The following ARHGEF11 variants were observed in gnomAD, a reference collection of about 807,000 sequenced individuals.
ARHGEF11 encodes the protein Rho guanine nucleotide exchange factor 11.
Under a neutral mutation model 193.7 loss-of-function variants are expected in ARHGEF11, and 55 were observed. The observed-to-expected ratio is 0.28, with a 90% CI of 0.23 to 0.36. The LOEUF is 0.36. Among genes scored for constraint, ARHGEF11 ranks in the 10% least tolerant of loss-of-function variants. The probability of loss-of-function intolerance (pLI) is 1.00; values close to 1 mark genes in which losing one functional copy is unlikely to be tolerated. For missense variants in ARHGEF11, 1,723 were observed against 2,005.6 expected (o/e 0.86, Z 2.69); for synonymous variants, 693 against 768.0 (o/e 0.90, Z 1.62).
At chr1:157,019,712 T>C (rs1487156410) in intron 1 of ARHGEF11, among the ~76,000 whole-genome samples, 1 of 152,138 alleles carries the variant, frequency 6.6e-6, no homozygotes, top group African/African-American at 2.4e-5. Context: ...CACACCAATA[T>C]AGATCCACTG....
intron 36 of ARHGEF11, 108 bp downstream of exon 36, chr1:156,940,099 C>G: frequency 7.0e-7 from 1 of 1,424,582 alleles, no homozygotes; most frequent in Non-Finnish European, 9.4e-7. Context: ...TCTCCTCAAG[C>G]ACACCAGGAA....
intron 1 of ARHGEF11, among the ~76,000 whole-genome samples, chr1:156,998,212 A>G (rs1666787189): frequency 1.3e-5 from 2 of 152,208 alleles, no homozygotes; most frequent in Admixed American, 6.5e-5. Context: ...TTCACCCCTT[A>G]GTAGAACAAT....
intron 1 of ARHGEF11, among the ~76,000 whole-genome samples, chr1:157,005,697 C>G (rs1009011961): frequency 6.6e-6 from 1 of 152,170 alleles, no homozygotes; most frequent in South Asian, 2.1e-4. Context: ...TAGTCTCTTA[C>G]AACAAAATCA....
chr1:156,942,049 C>G (rs1489418694), intron 33 of ARHGEF11, 60 bp from the exon 34 acceptor site: 1 of 1,611,358 alleles, frequency 6.2e-7, no homozygotes, highest in African/African-American at 1.3e-5. Context: ...CACGCACCAC[C>G]CCGTACTGAG....
intron 13 of ARHGEF11, 21 bp downstream of exon 13, chr1:156,963,182 A>G (rs1661205549): frequency 6.3e-7 from 1 of 1,590,458 alleles, no homozygotes; most frequent in Non-Finnish European, 8.6e-7. Flanking sequence ...CACTCAATCA[A>G]GACAGATGAT....
chr1:157,025,839 A>C (rs1423094185), intron 1 of ARHGEF11, among the ~76,000 whole-genome samples: 2 of 152,220 alleles, frequency 1.3e-5, no homozygotes, highest in Non-Finnish European at 2.9e-5. Context: ...AAACTAAGTC[A>C]CTTGGAGGGA....
At chr1:156,972,660 C>T (rs1432106640) in intron 7 of ARHGEF11, among the ~76,000 whole-genome samples, 1 of 152,188 alleles carries the variant, frequency 6.6e-6, no homozygotes, top group Non-Finnish European at 1.5e-5. Flanking sequence ...TACAAATTCC[C>T]CATACTTAAT....
chr1:157,031,311 C>G (rs904941055), intron 1 of ARHGEF11, among the ~76,000 whole-genome samples: 10 of 152,088 alleles, frequency 6.6e-5, no homozygotes, highest in African/African-American at 2.4e-4. Context: ...TCTCAACCTG[C>G]CAGGCCTCAA....
In ARHGEF11 at chr1:157,008,406, G is replaced by GCACACACACA. The variant is rs60934928; in HGVS notation, c.33-22243_33-22234dup. On this transcript the variant is annotated intron_variant, in intron 1 of 40. Coordinates refer to ENST00000368194, the MANE Select transcript of ARHGEF11 (RefSeq NM_198236.3). ...GAGACATCAGGAAGCTTGCACGCACGCACACACACACACACACACACACAC... is the reference window on the plus strand; with the variant it reads ...GAGACATCAGGAAGCTTGCACGCACGCACACACACACACACACACACACACACACACACAC... Among the ~76,000 whole-genome samples the GCACACACACA allele has an allele frequency of 5.0e-4, 74 of 149,218 alleles. 1 individual carries two copies. Among genetic ancestry groups the GCACACACACA allele is most frequent in the East Asian group, 3.6e-3 (18 of 5,024 alleles).
chr1:157,030,825 C>T (rs1374623696), intron 1 of ARHGEF11, among the ~76,000 whole-genome samples: 3 of 152,248 alleles, frequency 2.0e-5, no homozygotes, highest in African/African-American at 7.2e-5. Flanking sequence ...AGATAATGGA[C>T]AAGACACTTT....
At chr1:156,953,976 T>C (rs1002765203) in intron 21 of ARHGEF11, among the ~76,000 whole-genome samples, 13 of 152,194 alleles carry the variant, frequency 8.5e-5, no homozygotes, top group Non-Finnish European at 7.3e-5. Flanking sequence ...CTTAAGTAGA[T>C]GATAAGAACA....
Position 156,978,306 on chromosome 1 carries a change from T to A in ARHGEF11, c.408A>T (p.Pro136=). ...SMGISGLQQD[P]SPAGAPRITS... ...TGATTCGGGGAGCTCCTGCTGGGGA[T>A]GGGTCCTGCTGGAGCCCAGAGATGC... The change falls in exon 6 of 41, where the codon CCA becomes CCT. Residue 136 remains proline (P), a synonymous_variant. Transcript: ENST00000368194. The A allele has an allele frequency of 6.2e-7, 1 of 1,614,036 alleles. No homozygotes were observed. Among genetic ancestry groups the A allele is most frequent in the Non-Finnish European group, 8.5e-7 (1 of 1,179,990 alleles).
Position 156,947,947 on chromosome 1 carries a change from C to T in ARHGEF11, c.2163G>A (p.Glu721=). 6 of 1,613,086 alleles carry T rather than the reference C, an allele frequency of 3.7e-6. No individual in the cohort carries two copies. The highest frequency in any genetic ancestry group is 1.7e-4 in the Middle Eastern group (1 of 6,040). The change falls in exon 25 of 41, where the codon GAG becomes GAA. Residue 721 remains glutamate, a synonymous_variant. Coordinates refer to ENST00000368194, the MANE Select transcript of ARHGEF11 (RefSeq NM_198236.3). The stretch of plus-strand genomic sequence containing the variant: ...CTGTGCAGAACCCCAAACTGGGGGA[C>T]TCAATGCTCCTGGGGGAAAACAGGC... ...FTPKMGRRSI[E]SPSLGFCTDT... is the part of the protein sequence containing the mutation.
intron 14 of ARHGEF11, among the ~76,000 whole-genome samples, chr1:156,961,259 G>A (rs558784829): frequency 6.6e-6 from 1 of 152,274 alleles, no homozygotes; most frequent in East Asian, 1.9e-4. Flanking sequence ...CCTGCCTTTG[G>A]GCAGTAATAG....
At position 156,954,883 on chromosome 1, in the gene ARHGEF11, T is replaced by C. The variant is rs1270539052; in HGVS notation, c.1798+9A>G. The stretch of plus-strand genomic sequence containing the variant: ...GCAAAGACAAACCCAAATAAAATGG[T>C]CCTTTTACCTTCCACAGGGGACAAG... On this transcript the variant is annotated intron_variant, in intron 21 of 40. Coordinates refer to ENST00000368194, the MANE Select transcript of ARHGEF11 (RefSeq NM_198236.3). The C allele has an allele frequency of 6.2e-7, 1 of 1,607,286 alleles. No individual in the cohort carries two copies. Among genetic ancestry groups the C allele is most frequent in the South Asian group, 1.1e-5 (1 of 89,304 alleles).
intron 1 of ARHGEF11, among the ~76,000 whole-genome samples, chr1:157,017,252 G>A (rs1669361279): frequency 6.6e-6 from 1 of 152,156 alleles, no homozygotes; most frequent in Non-Finnish European, 1.5e-5. Context: ...CCCAGATTCT[G>A]AATGGTCCTG....
intron 38 of ARHGEF11, 147 bp from the exon 39 acceptor site, chr1:156,937,643 T>C: frequency 2.5e-6 from 2 of 813,950 alleles, no homozygotes; most frequent in Admixed American, 3.2e-5. Context: ...CCTTGCTCAC[T>C]GTCTGCCAGC....
Position 156,989,189 on chromosome 1 carries a change from C to G in ARHGEF11, c.33-3016G>C, listed in dbSNP as rs191276586. 3.3e-5 allele frequency among the ~76,000 whole-genome samples: 5 copies of G among 152,212 alleles called. No homozygotes were observed. The East Asian group carries it at 9.7e-4, about 29-fold the overall frequency. On this transcript the variant is annotated intron_variant, in intron 1 of 40. Coordinates refer to ENST00000368194, the MANE Select transcript of ARHGEF11 (RefSeq NM_198236.3). ...CCCCCCAAATTTGTACTCTAAATGG[C>G]ACCACTGAGACAGATTTTCTGACCC...
chr1:156,945,982 G>A, intron 29 of ARHGEF11, 63 bp downstream of exon 29: 2 of 1,360,282 alleles, frequency 1.5e-6, no homozygotes, highest in Non-Finnish European at 2.1e-6. Flanking sequence ...ACAAAGCAGT[G>A]TCAGAATGAG....
Sources: gnomAD v4.1 joint callset for allele counts (sites outside exome capture counted in the v4.1 genomes callset) on GRCh38, gnomAD v4.1.1 for gene constraint, MANE v1.5 for transcripts, NCBI Gene and HGNC (gene_info 2026-07-23, HGNC 2026-07-21) for gene names.